PATZ1: variants seen among roughly 807,000 people sequenced by gnomAD.
PATZ1 encodes the protein POZ/BTB and AT hook containing zinc finger 1.
PATZ1 carries 9 observed loss-of-function variants against 46.2 expected under a neutral mutation model. The ratio of observed to expected loss-of-function variants is 0.19; its 90% CI spans 0.12 to 0.34. The LOEUF (loss-of-function observed/expected upper bound fraction) is 0.34. Among genes scored for constraint, PATZ1 ranks in the 10% least tolerant of loss-of-function variants. The pLI, the probability that PATZ1 is intolerant of heterozygous loss-of-function variation, is 1.00. For missense variants in PATZ1, 632 were observed against 923.0 expected (o/e 0.68, Z 4.08); for synonymous variants, 426 against 378.6 (o/e 1.13, Z -1.45).
intron 3 of PATZ1, among the ~76,000 whole-genome samples, chr22:31,335,017 C>G (rs1193931727): frequency 6.6e-6 from 1 of 152,216 alleles, no homozygotes; most frequent in East Asian, 1.9e-4. Context: ...TCTAGCACTT[C>G]CAACAGCCAA....
At chr22:31,331,043 C>T (rs898061424) in intron 3 of PATZ1, among the ~76,000 whole-genome samples, 2 of 152,222 alleles carry the variant, frequency 1.3e-5, no homozygotes, top group African/African-American at 4.8e-5. Flanking sequence ...GTGCTGGTGT[C>T]CTGCCCTGCC....
rs1248378283 is a variant in PATZ1 at position 31,327,445 on chromosome 22, G to A, written c.1646-136C>T. 7.0e-6 allele frequency: 5 copies of A among 718,012 alleles called. No homozygotes were observed. Among genetic ancestry groups the A allele is most frequent in the East Asian group, 2.6e-5 (1 of 37,858 alleles). 44.5% of individuals were successfully genotyped at this position (718,012 alleles called of 1,614,324 possible). ...CAGCCACTGCCCTGGCAGAACCCACGGAGGGTCAGCTGGTCAGTCTGGGAG... is the reference window on the plus strand; with the variant it reads ...CAGCCACTGCCCTGGCAGAACCCACAGAGGGTCAGCTGGTCAGTCTGGGAG... On this transcript the variant is annotated intron_variant, in intron 4 of 4. Transcript: ENST00000266269. This position sits in a 1 kb window ranked among gnomAD's most constrained non-coding sequence, Gnocchi z 4.2.
chr22:31,343,186 G>T, intron 1 of PATZ1: 1 of 1,287,928 alleles, frequency 7.8e-7, no homozygotes, highest in South Asian at 1.9e-5. Flanking sequence ...ATGGGCATTT[G>T]TCTCTGATTT....
At chr22:31,333,402 G>A (rs1243888190) in intron 3 of PATZ1, among the ~76,000 whole-genome samples, 2 of 151,964 alleles carry the variant, frequency 1.3e-5, no homozygotes, top group East Asian at 1.9e-4. Flanking sequence ...GGGCAAAGGA[G>A]GACACAGAGC....
chr22:31,328,976 C>G lies in PATZ1; in HGVS notation c.1508-52G>C. ...CCCGCGGCCAGCAAGAGATACCTCT[C>G]TCCTTCCCCCAACTCCTCTCCTCTG... is the stretch of plus-strand genomic sequence containing the variant. On this transcript the variant is annotated intron_variant, in intron 3 of 4. Transcript: ENST00000266269. The surrounding 1 kb of genome is among the most constrained non-coding windows in gnomAD (Gnocchi z 4.8). 1 of 1,464,626 alleles carries G rather than the reference C, an allele frequency of 6.8e-7. No homozygotes were observed. The highest frequency in any genetic ancestry group is 9.0e-7 in the Non-Finnish European group (1 of 1,115,056). The allele number at this position is 1,464,626 out of a possible 1,614,324, so 90.7% of individuals were successfully genotyped here. A position where few individuals can be genotyped will look rare whatever the true frequency, so the allele number is the denominator to read the frequency against.
At position 31,327,364 on chromosome 22, in the gene PATZ1, C is replaced by T. The variant is rs1343804991; in HGVS notation, c.1646-55G>A. 1.4e-6 allele frequency: 2 copies of T among 1,475,500 alleles called. No homozygotes were observed. Among genetic ancestry groups the T allele is most frequent in the African/African-American group, 1.4e-5 (1 of 71,800 alleles). 91.4% of individuals were successfully genotyped at this position (1,475,500 alleles called of 1,614,324 possible). On this transcript the variant is annotated intron_variant, in intron 4 of 4. Coordinates refer to ENST00000266269, the MANE Select transcript of PATZ1 (RefSeq NM_014323.3). This position sits in a 1 kb window ranked among gnomAD's most constrained non-coding sequence, Gnocchi z 4.2. ...TGAGGCCAGGCTCTGGAGATGCCCC[C>T]TCCTGGAGGGGTCATGAGGGGCCAG...
rs999739982 is a variant in PATZ1 at position 31,346,128 on chromosome 22, A to AAAGGCGAAGGCG, written c.-538_-527dup. 140 of 148,996 alleles carry AAAGGCGAAGGCG rather than the reference A, an allele frequency of 9.4e-4. No individual in the cohort carries two copies. The highest frequency in any genetic ancestry group is 6.7e-3 in the Middle Eastern group (2 of 298). The allele number at this position is 148,996 out of a possible 1,614,324, so 9.2% of individuals were successfully genotyped here. On this transcript the variant is annotated 5_prime_UTR_variant, in exon 1 of 5. Transcript: ENST00000266269. ...CGGGGGCGCCGGAGCGGAGGAAACA[A>AAAGGCGAAGGCG]AAGGCGAAGGCGAAGGCGGCGGCGG...
chr22:31,342,797 T>TCAGCCGGGCCC, intron 2 of PATZ1, 100 bp downstream of exon 2: 1 of 1,322,424 alleles, frequency 7.6e-7, no homozygotes, highest in Non-Finnish European at 1.1e-6. Flanking sequence ...CGGTGGGCGG[T>TCAGCCGGGCCC]CAGCCGGGCC....
chr22:31,342,828 G>A, intron 2 of PATZ1, 69 bp downstream of exon 2: 1 of 1,560,018 alleles, frequency 6.4e-7, no homozygotes, highest in Non-Finnish European at 8.8e-7. Flanking sequence ...GCAGCGGCTG[G>A]CTCAAGGCTG....
In PATZ1 at chr22:31,344,587, G is replaced by C. The variant is rs1240415751; in HGVS notation, c.1016C>G (p.Ser339Cys). The C allele has an allele frequency of 6.2e-7, 1 of 1,614,078 alleles. No individual in the cohort carries two copies. The highest frequency in any genetic ancestry group is 8.5e-7 in the Non-Finnish European group (1 of 1,180,050). ...CTTTCGGGGGCCGTCGGGGTCTTCAGAGATGGGTAGCCCATTCTCACCCAG... is the reference window on the plus strand; with the variant it reads ...CTTTCGGGGGCCGTCGGGGTCTTCACAGATGGGTAGCCCATTCTCACCCAG... Reference protein sequence around the residue: ...PRLGENGLPISEDPDGPRKRS... With the variant: ...PRLGENGLPICEDPDGPRKRS... The change falls in exon 1 of 5, where the codon TCT becomes TGT. Residue 339 changes from serine to cysteine, a missense_variant. Physicochemically the swap from Ser to Cys is moderately radical, Grantham distance 112. Transcript: ENST00000266269.
chr22:31,332,144 G>A (rs2049451939), intron 3 of PATZ1, among the ~76,000 whole-genome samples: 2 of 152,070 alleles, frequency 1.3e-5, no homozygotes, highest in African/African-American at 2.4e-5. Context: ...TTAGAAACAC[G>A]TGGCTGAGTC....
Position 31,344,479 on chromosome 22 carries a change from A to T in PATZ1, c.1124T>A (p.Leu375Gln), listed in dbSNP as rs752468793. 6.2e-7 allele frequency: 1 copy of T among 1,614,254 alleles called. No individual in the cohort carries two copies. The highest frequency in any genetic ancestry group is 1.3e-5 in the African/African-American group (1 of 75,068). ...GTAGGGCTTCTCCCCAGAGTGGGAC[A>T]GCTTGTGCCGGTTAAGATGATACAC... Reference protein sequence around the residue: ...RDVYHLNRHKLSHSGEKPYSC... With the variant: ...RDVYHLNRHKQSHSGEKPYSC... The change falls in exon 1 of 5, where the codon CTG becomes CAG. Residue 375 changes from leucine to glutamine, a missense_variant. Transcript: ENST00000266269.
chr22:31,342,996 T>C (rs773313768), intron 1 of PATZ1, 36 bp from the exon 2 acceptor site: 2 of 1,613,186 alleles, frequency 1.2e-6, no homozygotes, highest in South Asian at 1.1e-5. Context: ...CTTTAGAAAC[T>C]TGGCCAGACC....
Position 31,345,583 on chromosome 22 carries a change from G to T in PATZ1, c.20C>A (p.Ala7Asp). Residue 7 changes from alanine (A) to aspartate (D), a missense_variant, in exon 1 of 5, where the codon GCT (alanine) becomes GAT (aspartate). By Grantham distance (126) the Ala-to-Asp change is moderately radical. Transcript: ENST00000266269. This position sits in a 1 kb window ranked among gnomAD's most constrained non-coding sequence, Gnocchi z 7.4. MERVNDASCGPSGCYTY... is the reference protein window; with the variant it reads MERVNDDSCGPSGCYTY... ...GTAGCAGCCAGACGGGCCGCACGAA[G>T]CGTCGTTCACCCGCTCCATGGCCGC... 1 of 1,594,838 alleles carries T rather than the reference G, an allele frequency of 6.3e-7. No homozygotes were observed.
intron 3 of PATZ1, among the ~76,000 whole-genome samples, chr22:31,335,188 G>C (rs2049493177): frequency 6.6e-6 from 1 of 152,166 alleles, no homozygotes; most frequent in Non-Finnish European, 1.5e-5. Context: ...ACCTGAGTTT[G>C]GGCTCTCTTC....
intron 3 of PATZ1, among the ~76,000 whole-genome samples, chr22:31,332,895 T>C (rs1031662544): frequency 6.6e-6 from 1 of 152,252 alleles, no homozygotes; most frequent in Non-Finnish European, 1.5e-5. Context: ...ACAGAAACTT[T>C]AAAGGAAGAA....
chr22:31,330,464 G>A (rs531462059), intron 3 of PATZ1, among the ~76,000 whole-genome samples: 4 of 152,018 alleles, frequency 2.6e-5, no homozygotes, highest in South Asian at 4.2e-4. Context: ...ATGCCACTGC[G>A]CTCCAGCCTG....
chr22:31,335,734 G>C lies in PATZ1; in HGVS notation c.1465C>G (p.His489Asp), dbSNP rs1248140955. Residue 489 changes from histidine to aspartate, a missense_variant, in exon 3 of 5, where the codon CAC becomes GAC. Around this residue, in one of 7 missense-constraint regions of PATZ1, gnomAD observed 55 missense variants for 169.0 expected, o/e 0.33. Transcript: ENST00000266269. ...AAYMADHLKK[H>D]SEGPSNFCSI... ...CAGAAGTTGCTGGGCCCCTCGCTGT[G>C]CTTCTTCAGGTGGTCTGCCATGTAT... 1 of 1,614,152 alleles carries C rather than the reference G, an allele frequency of 6.2e-7. No individual in the cohort carries two copies. The highest frequency in any genetic ancestry group is 1.1e-5 in the South Asian group (1 of 91,086).
At chr22:31,332,961 T>C (rs1329902562) in intron 3 of PATZ1, among the ~76,000 whole-genome samples, 1 of 152,230 alleles carries the variant, frequency 6.6e-6, no homozygotes, top group Non-Finnish European at 1.5e-5. Context: ...CTCAACTGAT[T>C]TCCTCAACTC....
Sources: gnomAD v4.1 joint callset for allele counts (sites outside exome capture counted in the v4.1 genomes callset) on GRCh38, gnomAD v4.1.1 for gene constraint, gnomAD v4.1.1 regional missense constraint, Gnocchi (gnomAD v3.1) non-coding constraint, MANE v1.5 for transcripts, NCBI Gene and HGNC (gene_info 2026-07-23, HGNC 2026-07-21) for gene names.